RUFY4: variants seen among roughly 807,000 people sequenced by gnomAD.
RUFY4 encodes RUN and FYVE domain-containing protein 4.
RUFY4 carries 73 observed loss-of-function variants against 69.0 expected under a neutral mutation model. The observed-to-expected ratio is 1.06, with a 90% CI of 0.88 to 1.29. The LOEUF is 1.29. Ranked by LOEUF, RUFY4 falls within the 50% of genes most tolerant of loss-of-function variation. The pLI, the probability that RUFY4 is intolerant of heterozygous loss-of-function variation, is 0.00. For missense variants in RUFY4, 770 were observed against 705.6 expected, an observed-to-expected ratio of 1.09 and a Z score of -1.03; for synonymous variants, 287 against 271.8, an observed-to-expected ratio of 1.06 and a Z score of -0.55.
intron 2 of RUFY4, among the ~76,000 whole-genome samples, chr2:218,053,255 G>C (rs571442235): frequency 2.8e-4 from 42 of 152,102 alleles, no homozygotes; most frequent in Admixed American, 1.4e-3. Context: ...CCCCTGGAAA[G>C]TCTCAAAGGA....
intron 9 of RUFY4, among the ~76,000 whole-genome samples, chr2:218,087,253 T>C (rs1689917062): frequency 6.6e-6 from 1 of 152,132 alleles, no homozygotes; most frequent in South Asian, 2.1e-4. Flanking sequence ...GATAGTCACA[T>C]GTAGAGATGG....
chr2:218,051,564 AT>A (rs1182611700), intron 2 of RUFY4, among the ~76,000 whole-genome samples: 2,948 of 119,876 alleles, frequency 0.025, 93 homozygotes, highest in African/African-American at 0.09. Flanking sequence ...CTGTTCCAAT[AT>A]TTTAAAAAAA....
exon 6 of RUFY4, chr2:218,073,827 C>G (rs1382800085): frequency 1.2e-6 from 2 of 1,613,868 alleles, no homozygotes; most frequent in Non-Finnish European, 1.7e-6. Flanking sequence ...TCACGCTGCT[C>G]CAGTTCCACC....
chr2:218,089,323 G>A, exon 10 of RUFY4: 1 of 1,613,916 alleles, frequency 6.2e-7, no homozygotes, highest in Non-Finnish European at 8.5e-7. Context: ...GTGGCCTGTA[G>A]CAAGATCTTT....
rs527996758 is a variant in RUFY4 at position 218,074,981 on chromosome 2, G to A, written c.601-112G>A. On this transcript the variant is annotated intron_variant, in intron 6 of 10. Coordinates refer to ENST00000344321, the Ensembl canonical transcript of RUFY4. ...ATCAAAGCTTCCAGTGAGAGGACCT[G>A]GTACCTATCTATTTAGCAAGCTGAT... 31 of 1,167,320 alleles carry A rather than the reference G, an allele frequency of 2.7e-5. No homozygotes were observed. In the African/African-American group the frequency reaches 4.8e-4, roughly 18 times the overall value. 72.3% of individuals were successfully genotyped at this position (1,167,320 alleles called of 1,614,324 possible).
upstream of RUFY4, among the ~76,000 whole-genome samples, chr2:218,068,400 G>A (rs1238366921): frequency 6.6e-6 from 1 of 152,048 alleles, no homozygotes; most frequent in Non-Finnish European, 1.5e-5. Flanking sequence ...AGGAATGAGG[G>A]AAAGACAGGG....
chr2:218,057,843 A>G (rs906988552), intron 2 of RUFY4, among the ~76,000 whole-genome samples: 1 of 152,220 alleles, frequency 6.6e-6, no homozygotes, highest in Non-Finnish European at 1.5e-5. Context: ...CTTTGACTTT[A>G]AACTACTGCA....
chr2:218,067,493 T>C (rs951678748), upstream of RUFY4, among the ~76,000 whole-genome samples: 1 of 152,184 alleles, frequency 6.6e-6, no homozygotes, highest in African/African-American at 2.4e-5. Flanking sequence ...GCCCAGGTGA[T>C]GGGTGCAGGC....
At chr2:218,072,410 C>T (rs975490211) in exon 3 of RUFY4, 5 of 1,537,352 alleles carry the variant, frequency 3.3e-6, no homozygotes, top group South Asian at 2.4e-5. Flanking sequence ...CCTGGGGCCT[C>T]GGAAGGATTA....
At chr2:218,073,978 T>C (rs771398628) in intron 6 of RUFY4, 93 bp downstream of exon 8, 1 of 1,258,526 alleles carries the variant, frequency 7.9e-7, no homozygotes. Flanking sequence ...CCTCCGAGTG[T>C]ACAGAGAGCC....
intron 3 of RUFY4, among the ~76,000 whole-genome samples, chr2:218,061,600 A>G (rs1489070337): frequency 6.6e-6 from 1 of 152,220 alleles, no homozygotes; most frequent in African/African-American, 2.4e-5. Context: ...TTTTGAGGCA[A>G]TGTTAGTGAT....
chr2:218,074,695 A>G (rs1689580893), intron 6 of RUFY4, among the ~76,000 whole-genome samples: 1 of 152,180 alleles, frequency 6.6e-6, no homozygotes, highest in Non-Finnish European at 1.5e-5. Context: ...TTTCATCACA[A>G]CCCTAAAACC....
chr2:218,061,075 G>A, intron 3 of RUFY4: 1 of 609,436 alleles, frequency 1.6e-6, no homozygotes, highest in South Asian at 1.5e-5. Context: ...CACAGATTGT[G>A]CCAAAAATCC....
intron 2 of RUFY4, among the ~76,000 whole-genome samples, chr2:218,050,620 C>T (rs1198699821): frequency 1.3e-5 from 2 of 152,202 alleles, no homozygotes; most frequent in African/African-American, 2.4e-5. Context: ...CTATGACCTT[C>T]TTATAGCTGG....
chr2:218,071,710 G>A (rs1397509039), intron 2 of RUFY4, among the ~76,000 whole-genome samples: 1 of 152,002 alleles, frequency 6.6e-6, no homozygotes, highest in Admixed American at 6.6e-5. Context: ...TAACATACTC[G>A]ATGCTTTACT....
At chr2:218,069,464 T>G (rs1490759368), upstream of RUFY4, 5 of 151,962 alleles carry the variant, frequency 3.3e-5, no homozygotes, top group African/African-American at 1.2e-4. Flanking sequence ...ATGGAGCCGT[T>G]CATGGATTTC....
intron 9 of RUFY4, among the ~76,000 whole-genome samples, chr2:218,083,684 G>T (rs1311510636): frequency 6.6e-6 from 1 of 151,850 alleles, no homozygotes; most frequent in Admixed American, 6.6e-5. Flanking sequence ...GGAGGCAGAG[G>T]TTGCAGTGAG....
intron 6 of RUFY4, 81 bp from the exon 9 acceptor site, chr2:218,075,012 T>C: frequency 1.4e-6 from 2 of 1,386,244 alleles, no homozygotes; most frequent in Non-Finnish European, 1.9e-6. Context: ...CTGATTAGAT[T>C]AGCACTGTGG....
At chr2:218,048,523 A>C (rs1688879764) in intron 2 of RUFY4, among the ~76,000 whole-genome samples, 1 of 152,104 alleles carries the variant, frequency 6.6e-6, no homozygotes, top group South Asian at 2.1e-4. Flanking sequence ...TCCTATACCC[A>C]GAATGGTATT....
Sources: allele counts gnomAD v4.1 joint callset (sites outside exome capture counted in the v4.1 genomes callset), GRCh38; gene constraint gnomAD v4.1.1; transcripts MANE v1.5; gene names NCBI Gene and HGNC (gene_info 2026-07-23, HGNC 2026-07-21).